The following IFT140 variants were observed in gnomAD, a reference collection of about 807,000 sequenced individuals.
IFT140 encodes intraflagellar transport protein 140 homolog.
In IFT140, 133 loss-of-function variants were observed where a neutral mutation model predicts 164.6. That is an observed-to-expected ratio of 0.81 (90% confidence interval 0.70 to 0.93). The LOEUF (loss-of-function observed/expected upper bound fraction) is 0.93. IFT140 is among the 40% of genes least tolerant of loss of function. The probability of loss-of-function intolerance (pLI) is 0.00; values close to 1 mark genes in which losing one functional copy is unlikely to be tolerated. For missense variants in IFT140, 2,045 were observed against 1,972.3 expected (o/e 1.04, Z -0.70); for synonymous variants, 860 against 817.3 (o/e 1.05, Z -0.89).
intron 30 of IFT140, among the ~76,000 whole-genome samples, chr16:1,515,781 C>A (rs571933517): frequency 1.3e-5 from 2 of 152,268 alleles, no homozygotes; most frequent in East Asian, 3.9e-4. Flanking sequence ...TAAGAAAATT[C>A]ATCATCAGGA....
In IFT140 at chr16:1,525,939, G is replaced by A. The variant is rs755504361; in HGVS notation, c.2716C>T (p.Arg906Cys). ...CTGGCCTCCAGGTGCCCGGCATAGC[G>A]GTGGTAGGTGCTGCGCAGGTGCACG... ...DRVHLRSTYHRYAGHLEASAD... is the reference protein window; with the variant it reads ...DRVHLRSTYHCYAGHLEASAD... Residue 906 changes from arginine to cysteine, a missense_variant, in exon 21 of 31, where the codon CGC (arginine) becomes TGC (cysteine). By Grantham distance (180) the Arg-to-Cys change is radical. Transcript: ENST00000426508. 26 of 1,575,910 alleles carry A rather than the reference G, an allele frequency of 1.6e-5. No individual in the cohort carries two copies. Among genetic ancestry groups the A allele is most frequent in the African/African-American group, 4.1e-5 (3 of 74,026 alleles).
chr16:1,560,339 A>G (rs775167090), intron 18 of IFT140, among the ~76,000 whole-genome samples: 14 of 152,216 alleles, frequency 9.2e-5, no homozygotes, highest in Non-Finnish European at 1.8e-4. Flanking sequence ...CTGGCTCTAC[A>G]TGGTGACCAG....
In IFT140 at chr16:1,531,573, C is replaced by A. The variant is rs1276446245; in HGVS notation, c.2400-4777G>T. The A allele has an allele frequency of 6.6e-6, 1 of 152,282 alleles. No individual in the cohort carries two copies. The highest frequency in any genetic ancestry group is 6.5e-5 in the Admixed American group (1 of 15,282). 9.4% of individuals were successfully genotyped at this position (152,282 alleles called of 1,614,324 possible). The stretch of plus-strand genomic sequence containing the variant: ...ATGCACTGTGGGGGAAGCCCACCGC[C>A]CAGCTGCGAGTCCCCTTACTGGGAG... On this transcript the variant is annotated intron_variant, in intron 19 of 30. Transcript: ENST00000426508. The surrounding 1 kb of genome is among the most constrained non-coding windows in gnomAD (Gnocchi z 4.7).
At chr16:1,528,370 C>CGGAT (rs2029994821) in intron 19 of IFT140, among the ~76,000 whole-genome samples, 1 of 151,614 alleles carries the variant, frequency 6.6e-6, no homozygotes, top group African/African-American at 2.4e-5. Flanking sequence ...TGCACACACA[C>CGGAT]GCATGCACGC....
At chr16:1,555,202 T>A (rs1022757901) in intron 19 of IFT140, 1 of 796,484 alleles carries the variant, frequency 1.3e-6, no homozygotes, top group Non-Finnish European at 1.9e-6. Context: ...GTCGGTCATA[T>A]GTCTGTACGT....
chr16:1,607,275 T>G lies in IFT140; in HGVS notation c.-9A>C. On this transcript the variant is annotated 5_prime_UTR_variant, in exon 3 of 31. Coordinates refer to ENST00000426508, the MANE Select transcript of IFT140 (RefSeq NM_014714.4). Reference sequence around the variant, plus strand: ...TCATAATAGAGGGCCATGACGGAACTCAGGCCTCCTCAGCGCTGAAACCTG... The same window carrying G: ...TCATAATAGAGGGCCATGACGGAACGCAGGCCTCCTCAGCGCTGAAACCTG... 1 of 1,609,926 alleles carries G rather than the reference T, an allele frequency of 6.2e-7. No individual in the cohort carries two copies.
intron 18 of IFT140, among the ~76,000 whole-genome samples, chr16:1,558,912 C>A (rs2141475806): frequency 6.6e-6 from 1 of 152,380 alleles, no homozygotes; most frequent in South Asian, 2.1e-4. Flanking sequence ...GCGCTCCCAT[C>A]AGCTCACTGC....
Position 1,520,846 on chromosome 16 carries a change from G to A in IFT140, c.3454-38C>T, listed in dbSNP as rs755803054. On this transcript the variant is annotated intron_variant, in intron 26 of 30. Coordinates refer to ENST00000426508, the MANE Select transcript of IFT140 (RefSeq NM_014714.4). ...AGAAATGGGACGGGGCTGCCGAGGG[G>A]GCCGGGAACTGAAGTGCGCCCCTCA... The A allele has an allele frequency of 3.8e-6, 6 of 1,573,988 alleles. No homozygotes were observed. In the South Asian group the frequency reaches 6.8e-5, roughly 18 times the overall value.
chr16:1,554,863 T>C (rs1425979941), intron 19 of IFT140: 5 of 1,614,072 alleles, frequency 3.1e-6, no homozygotes, highest in East Asian at 2.2e-5. Context: ...TACCTGAACA[T>C]TGGCGCCTGC....
At chr16:1,562,211 G>A (rs748546511) in intron 17 of IFT140, 95 bp from the exon 18 acceptor site, 11 of 1,133,590 alleles carry the variant, frequency 9.7e-6, no homozygotes, top group South Asian at 5.5e-5. Flanking sequence ...ACTGCGTCAC[G>A]GTGGGGTCGT....
intron 18 of IFT140, among the ~76,000 whole-genome samples, chr16:1,561,522 G>A (rs985835212): frequency 7.9e-5 from 12 of 152,094 alleles, no homozygotes; most frequent in Admixed American, 7.9e-4. Context: ...CTCCAGGCTG[G>A]GATTATGGAG....
chr16:1,544,334 C>T (rs2031949225), intron 19 of IFT140, among the ~76,000 whole-genome samples: 1 of 151,948 alleles, frequency 6.6e-6, no homozygotes, highest in Non-Finnish European at 1.5e-5. Context: ...CAGGCGCCCG[C>T]CACCATGCCC....
At chr16:1,548,642 G>C (rs1323831810) in intron 19 of IFT140, among the ~76,000 whole-genome samples, 1 of 152,202 alleles carries the variant, frequency 6.6e-6, no homozygotes, top group African/African-American at 2.4e-5. Flanking sequence ...TTAATATAAA[G>C]ATGGTGGGAG....
chr16:1,598,365 G>A (rs1419730307), intron 4 of IFT140, among the ~76,000 whole-genome samples: 1 of 152,126 alleles, frequency 6.6e-6, no homozygotes, highest in South Asian at 2.1e-4. Flanking sequence ...GGCTGAGGCA[G>A]GAGAATGGCG....
In IFT140 at chr16:1,590,134, G is replaced by A. The variant is rs538174002; in HGVS notation, c.635-354C>T. On this transcript the variant is annotated intron_variant, in intron 6 of 30. Transcript: ENST00000426508. ...GGGAATCACTTGAACCCCGGAGGTG[G>A]AGGTTGCAGTGAGCCAAGATTACGC... Among the ~76,000 whole-genome samples the A allele has an allele frequency of 2.7e-5, 4 of 149,782 alleles. No homozygotes were observed. The South Asian group carries it at 6.3e-4, about 24-fold the overall frequency.
rs568880002 is a variant in IFT140, at chr16:1,521,890, T to C, written c.3454-1082A>G. 6.0e-5 allele frequency among the ~76,000 whole-genome samples: 8 copies of C among 132,664 alleles called. No homozygotes were observed. The South Asian group carries it at 1.7e-3, about 28-fold the overall frequency. 87.0% of individuals were successfully genotyped at this position (132,664 alleles called of 152,430 possible). ...AAAAAACAGTAATAACCCACAAATA[T>C]ATATGAAGTAATAACACATTTATAT... On this transcript the variant is annotated intron_variant, in intron 26 of 30. Transcript: ENST00000426508.
Position 1,551,062 on chromosome 16 carries a change from G to A in IFT140, c.2399+6873C>T, listed in dbSNP as rs528174084. The stretch of plus-strand genomic sequence containing the variant: ...GGGTCCTGGTCACTCAACTGCCAAG[G>A]CTGCTGTTCCTCCTCGCCTTTCCCG... On this transcript the variant is annotated intron_variant, in intron 19 of 30. Coordinates refer to ENST00000426508, the MANE Select transcript of IFT140 (RefSeq NM_014714.4). This position sits in a 1 kb window ranked among gnomAD's most constrained non-coding sequence, Gnocchi z 4.0. Among the ~76,000 whole-genome samples, 2 of 152,202 alleles carry A rather than the reference G, an allele frequency of 1.3e-5. No individual in the cohort carries two copies. The highest frequency in any genetic ancestry group is 6.5e-5 in the Admixed American group (1 of 15,282).
chr16:1,544,590 A>G (rs1303200605), intron 19 of IFT140, among the ~76,000 whole-genome samples: 2 of 151,896 alleles, frequency 1.3e-5, no homozygotes, highest in East Asian at 1.9e-4. Flanking sequence ...TCAGCCTCCC[A>G]AAGTGCTGGA....
At chr16:1,601,242 C>T (rs1023835655) in intron 4 of IFT140, among the ~76,000 whole-genome samples, 19 of 144,296 alleles carry the variant, frequency 1.3e-4, no homozygotes, top group Admixed American at 1.4e-4. Flanking sequence ...CTAGCCTGGG[C>T]GACAGAGCAA....
Sources: allele counts gnomAD v4.1 joint callset (sites outside exome capture counted in the v4.1 genomes callset), GRCh38; gene constraint gnomAD v4.1.1; non-coding constraint Gnocchi (gnomAD v3.1); transcripts MANE v1.5; gene names NCBI Gene and HGNC (gene_info 2026-07-23, HGNC 2026-07-21).